Variants in PCDHA2 observed in about 807,000 individuals in gnomAD.
The protein encoded by PCDHA2 is protocadherin alpha 2.
A neutral mutation model predicts 66.0 loss-of-function variants in PCDHA2; 58 were observed. The observed-to-expected ratio is 0.88, with a 90% confidence interval of 0.71 to 1.09. PCDHA2 has a LOEUF of 1.09. Ranked by LOEUF, PCDHA2 falls within the 50% of genes least tolerant of loss-of-function variation. The pLI is 0.00. For missense variants in PCDHA2, 1,267 were observed against 1,242.3 expected, an observed-to-expected ratio of 1.02 and a Z score of -0.30; for synonymous variants, 634 against 554.0, an observed-to-expected ratio of 1.14 and a Z score of -2.03.
At chr5:140,883,945 C>T in intron 1 of PCDHA2, 1 of 1,613,378 alleles carries the variant, frequency 6.2e-7, no homozygotes, top group Non-Finnish European at 8.5e-7. Context: ...TGGACGAGAA[C>T]GACAACGCTC....
chr5:140,958,775 A>C (rs1179723793), intron 1 of PCDHA2, among the ~76,000 whole-genome samples: 1 of 152,170 alleles, frequency 6.6e-6, no homozygotes, highest in African/African-American at 2.4e-5. Flanking sequence ...GTTTGAAATC[A>C]ACTTTCTATT....
intron 1 of PCDHA2, among the ~76,000 whole-genome samples, chr5:140,970,255 A>G (rs155806): frequency 0.089 from 13,563 of 152,250 alleles, 783 homozygotes; most frequent in Middle Eastern, 0.22. Context: ...GACAGTTTCT[A>G]TGGTTTTGAT....
chr5:140,928,571 C>T (rs369670852), intron 1 of PCDHA2: 1 of 1,614,180 alleles, frequency 6.2e-7, no homozygotes, highest in East Asian at 2.2e-5. Context: ...TTTCCCTTGC[C>T]CAGAAATGGT....
chr5:140,963,717 T>C (rs2095787814), intron 1 of PCDHA2, among the ~76,000 whole-genome samples: 1 of 152,256 alleles, frequency 6.6e-6, no homozygotes, highest in Admixed American at 6.5e-5. Context: ...ATGCTACATA[T>C]AGACTGCCAA....
chr5:140,902,421 A>G (rs1187358402), intron 1 of PCDHA2, among the ~76,000 whole-genome samples: 4 of 152,076 alleles, frequency 2.6e-5, no homozygotes, highest in Non-Finnish European at 5.9e-5. Context: ...AACAGTGGTG[A>G]AAGTGGGCAT....
chr5:140,869,928 A>T, intron 1 of PCDHA2: 1 of 1,611,724 alleles, frequency 6.2e-7, no homozygotes, highest in Non-Finnish European at 8.5e-7. Flanking sequence ...GAGTCAATGG[A>T]GAGGTAACAT....
intron 3 of PCDHA2, among the ~76,000 whole-genome samples, chr5:141,005,018 T>G (rs2098193299): frequency 6.6e-6 from 1 of 152,250 alleles, no homozygotes; most frequent in Non-Finnish European, 1.5e-5. Context: ...AGCTGCATTA[T>G]ATATAATTGC....
At chr5:140,874,326 GT>G (rs150189539) in intron 1 of PCDHA2, among the ~76,000 whole-genome samples, 3,860 of 152,194 alleles carry the variant, frequency 0.025, 154 homozygotes, top group African/African-American at 0.088. Flanking sequence ...GATCTTATCT[GT>G]TTTTTTCTCT....
chr5:140,890,608 G>A (rs1451973329), intron 1 of PCDHA2, among the ~76,000 whole-genome samples: 1 of 152,026 alleles, frequency 6.6e-6, no homozygotes, highest in African/African-American at 2.4e-5. Flanking sequence ...AATAGCTAGT[G>A]CTTACCCTAG....
In PCDHA2 at chr5:140,982,576, G is replaced by C. The variant is rs782355791; in HGVS notation, c.2536+13G>C. ...AGTGCAACACCAGGTAAAGAGCTGG[G>C]GTCTCTCCATTCTTTCTTGGTTTCT... On this transcript the variant is annotated intron_variant, in intron 3 of 3. Transcript: ENST00000526136. 3.1e-6 allele frequency: 5 copies of C among 1,613,270 alleles called. 1 individual carries two copies. In the South Asian group the frequency reaches 5.5e-5, roughly 18 times the overall value.
At chr5:140,935,358 A>C (rs2090329846) in intron 1 of PCDHA2, among the ~76,000 whole-genome samples, 1 of 152,220 alleles carries the variant, frequency 6.6e-6, no homozygotes, top group East Asian at 1.9e-4. Context: ...CCCAGTTTTC[A>C]TTAACGTCAA....
At chr5:140,995,999 G>A (rs1489207802) in intron 3 of PCDHA2, among the ~76,000 whole-genome samples, 3 of 152,198 alleles carry the variant, frequency 2.0e-5, no homozygotes, top group Admixed American at 6.5e-5. Context: ...CAAAAATGTC[G>A]TCAGAACTAT....
At position 140,842,965 on chromosome 5, in the gene PCDHA2, C is replaced by A. The variant is rs2150348785; in HGVS notation, c.2388+45613C>A. 5 of 1,594,984 alleles carry A rather than the reference C, an allele frequency of 3.1e-6. 1 individual carries two copies. Among genetic ancestry groups the A allele is most frequent in the East Asian group, 4.5e-5 (2 of 44,816 alleles). On this transcript the variant is annotated intron_variant, in intron 1 of 3. Transcript: ENST00000526136. Reference sequence around the variant, plus strand: ...CGGGCGTGCCGCCTCTGGGCAGCAACGTGACGCTGCAGGTGTTCGTGCTGG... The same window carrying A: ...CGGGCGTGCCGCCTCTGGGCAGCAAAGTGACGCTGCAGGTGTTCGTGCTGG...
intron 1 of PCDHA2, chr5:140,797,603 A>C: frequency 9.9e-6 from 5 of 506,392 alleles, no homozygotes; most frequent in South Asian, 3.3e-5. Context: ...AGACCATGAA[A>C]CACTGAAAAA....
Position 140,796,579 on chromosome 5 carries a change from G to A in PCDHA2, c.1615G>A (p.Asp539Asn), listed in dbSNP as rs1396244589. ...ELLQFQVSAR[D>N]AGVPPLGSNV... ...GCTGCAGTTCCAGGTGAGCGCGCGG[G>A]ATGCGGGCGTGCCGCCTCTGGGCAG... The change falls in exon 1 of 4, where the codon GAT becomes AAT. Residue 539 changes from aspartate to asparagine, a missense_variant. Transcript: ENST00000526136. 6.2e-7 allele frequency: 1 copy of A among 1,613,348 alleles called. No individual in the cohort carries two copies. Among genetic ancestry groups the A allele is most frequent in the Non-Finnish European group, 8.5e-7 (1 of 1,179,874 alleles).
intron 1 of PCDHA2, among the ~76,000 whole-genome samples, chr5:140,946,042 C>T (rs967126849): frequency 4.6e-4 from 70 of 152,118 alleles, no homozygotes; most frequent in African/African-American, 1.6e-3. Flanking sequence ...AGTGAAGGGA[C>T]AATCCACAGA....
chr5:140,993,546 G>A (rs1013720873), intron 3 of PCDHA2, among the ~76,000 whole-genome samples: 4 of 151,434 alleles, frequency 2.6e-5, no homozygotes, highest in Non-Finnish European at 5.9e-5. Context: ...AGATAGAGAA[G>A]TGAAGTATAT....
intron 1 of PCDHA2, chr5:140,807,621 C>A (rs781954870): frequency 1.2e-6 from 2 of 1,614,188 alleles, no homozygotes; most frequent in African/African-American, 1.3e-5. Context: ...ATCGCGGAAT[C>A]CAGGCCGCTT....
Position 140,924,836 on chromosome 5 carries a change from A to G in PCDHA2, c.2389-54113A>G, listed in dbSNP as rs182903893. ...CTTGAACCTGGGAGGGGGAGGTTGC[A>G]GGGAGCTCAGATCGTGCCACTGCAC... On this transcript the variant is annotated intron_variant, in intron 1 of 3. Coordinates refer to ENST00000526136, the MANE Select transcript of PCDHA2 (RefSeq NM_018905.3). Among the ~76,000 whole-genome samples, 1,210 of 151,808 alleles carry G rather than the reference A, an allele frequency of 8.0e-3. 6 individuals carry two copies. Among genetic ancestry groups the G allele is most frequent in the African/African-American group, 0.019 (780 of 41,292 alleles).
Sources: allele counts gnomAD v4.1 joint callset (sites outside exome capture counted in the v4.1 genomes callset), GRCh38; gene constraint gnomAD v4.1.1; transcripts MANE v1.5; gene names NCBI Gene and HGNC (gene_info 2026-07-23, HGNC 2026-07-21).